Variants in LPP observed in about 807,000 individuals in gnomAD.
LPP encodes the protein LIM domain containing preferred translocation partner in lipoma.
Under a neutral mutation model 60.4 loss-of-function variants are expected in LPP, and 38 were observed. That is an observed-to-expected ratio of 0.63 (90% CI 0.49 to 0.83). The LOEUF is 0.83. LPP is among the 40% of genes least tolerant of loss of function. The probability of loss-of-function intolerance (pLI) is 0.00; values close to 1 mark genes in which losing one functional copy is unlikely to be tolerated. For synonymous variants in LPP, 328 were observed against 290.8 expected (o/e 1.13, Z -1.30); for missense variants, 902 against 783.6 (o/e 1.15, Z -1.80).
intron 9 of LPP, among the ~76,000 whole-genome samples, chr3:188,778,180 A>G (rs756708101): frequency 2.8e-4 from 42 of 152,206 alleles, no homozygotes; most frequent in Admixed American, 1.8e-3. Context: ...GTAGCAAAGA[A>G]CACCCATGTT....
At chr3:188,828,966 A>C (rs191249162) in intron 9 of LPP, among the ~76,000 whole-genome samples, 5 of 152,212 alleles carry the variant, frequency 3.3e-5, no homozygotes, top group Admixed American at 3.3e-4. Flanking sequence ...TGCTTCTCAA[A>C]ATATCTATAG....
chr3:188,720,507 G>T (rs566361852), intron 8 of LPP, among the ~76,000 whole-genome samples: 2 of 151,780 alleles, frequency 1.3e-5, no homozygotes, highest in South Asian at 4.2e-4. Flanking sequence ...CATCTTCCTG[G>T]TGTGTGAAGA....
At chr3:188,551,289 A>G (rs1316316247) in intron 6 of LPP, among the ~76,000 whole-genome samples, 2 of 152,116 alleles carry the variant, frequency 1.3e-5, no homozygotes, top group African/African-American at 4.8e-5. Flanking sequence ...ATCTCATAAG[A>G]CTTATTGACT....
chr3:188,462,588 ATGTGTGTGTGTGTGTGTGTGTG>A lies in LPP; in HGVS notation c.194-21978_194-21957del, dbSNP rs71169003. 4.8e-4 allele frequency among the ~76,000 whole-genome samples: 28 copies of A among 58,274 alleles called. 1 individual carries two copies. Among genetic ancestry groups the A allele is most frequent in the African/African-American group, 1.3e-3 (20 of 15,886 alleles). 38.2% of individuals were successfully genotyped at this position (58,274 alleles called of 152,430 possible). A position where few individuals can be genotyped will look rare whatever the true frequency, so the allele number is the denominator to read the frequency against. On this transcript the variant is annotated intron_variant, in intron 4 of 11. Transcript: ENST00000617246. The stretch of plus-strand genomic sequence containing the variant: ...TATATATATATATATATATATATGC[ATGTGTGTGTGTGTGTGTGTGTG>A]TGTGTGTGTGTGTGTGTGTGTGTGT...
At chr3:188,626,385 C>CAT (rs146515978) in intron 7 of LPP, among the ~76,000 whole-genome samples, 6,805 of 152,000 alleles carry the variant, frequency 0.045, 305 homozygotes, top group African/African-American at 0.11. Flanking sequence ...TATAGCATAT[C>CAT]ATATATATAA....
intron 5 of LPP, among the ~76,000 whole-genome samples, chr3:188,524,287 T>A (rs1317736008): frequency 6.6e-6 from 1 of 152,194 alleles, no homozygotes; most frequent in African/African-American, 2.4e-5. Context: ...GCTACTCCAA[T>A]AAATATTATT....
chr3:188,590,840 C>G (rs1838542354), intron 6 of LPP, among the ~76,000 whole-genome samples: 2 of 152,122 alleles, frequency 1.3e-5, no homozygotes, highest in African/African-American at 4.8e-5. Context: ...CTAAGGCCTT[C>G]AATTATGAGG....
intron 4 of LPP, among the ~76,000 whole-genome samples, chr3:188,416,589 T>C (rs1786334372): frequency 6.6e-6 from 1 of 152,170 alleles, no homozygotes; most frequent in South Asian, 2.1e-4. Context: ...GCTTTTGAAG[T>C]CTTGAGAGTC....
chr3:188,425,395 G>A (rs189397120), intron 4 of LPP, among the ~76,000 whole-genome samples: 21 of 152,254 alleles, frequency 1.4e-4, no homozygotes, highest in Non-Finnish European at 2.8e-4. Context: ...AGGGATATTG[G>A]CCTGAAATTT....
intron 4 of LPP, among the ~76,000 whole-genome samples, chr3:188,424,187 T>C (rs1174518120): frequency 6.6e-6 from 1 of 152,200 alleles, no homozygotes; most frequent in Non-Finnish European, 1.5e-5. Context: ...TGGCCAGTTT[T>C]CCAAACAGCA....
At chr3:188,792,892 A>G (rs1346501157) in intron 9 of LPP, among the ~76,000 whole-genome samples, 5 of 152,126 alleles carry the variant, frequency 3.3e-5, no homozygotes, top group Admixed American at 1.3e-4. Context: ...GATTTAATTT[A>G]AAGTCTCCTC....
chr3:188,511,578 C>T (rs1359201163), intron 5 of LPP, among the ~76,000 whole-genome samples: 2 of 151,908 alleles, frequency 1.3e-5, no homozygotes, highest in African/African-American at 2.4e-5. Flanking sequence ...TTCCTAATGT[C>T]ATGCAAAGTG....
At chr3:188,469,272 G>T (rs899511795) in intron 4 of LPP, among the ~76,000 whole-genome samples, 1 of 152,100 alleles carries the variant, frequency 6.6e-6, no homozygotes, top group East Asian at 1.9e-4. Flanking sequence ...ACATCAAAGT[G>T]GGTAAAGAAG....
chr3:188,466,636 C>T (rs13076400), intron 4 of LPP, among the ~76,000 whole-genome samples: 29,702 of 150,658 alleles, frequency 0.2, 3,080 homozygotes, highest in East Asian at 0.28. Flanking sequence ...ATAATACCTT[C>T]GTTAATATGG....
At chr3:188,216,322 A>G (rs1713602632) in intron 1 of LPP, among the ~76,000 whole-genome samples, 1 of 136,424 alleles carries the variant, frequency 7.3e-6, no homozygotes, top group Non-Finnish European at 1.5e-5. Flanking sequence ...CCTAGACTGG[A>G]GTGCAGGGCG....
At chr3:188,541,910 A>T (rs1825294245) in intron 6 of LPP, among the ~76,000 whole-genome samples, 1 of 152,170 alleles carries the variant, frequency 6.6e-6, no homozygotes, top group Admixed American at 6.5e-5. Context: ...ACACAAAAAA[A>T]CAAAAACAAA....
intron 1 of LPP, among the ~76,000 whole-genome samples, chr3:188,221,817 T>A (rs555029113): frequency 6.6e-6 from 1 of 152,336 alleles, no homozygotes; most frequent in East Asian, 1.9e-4. Flanking sequence ...TTTGTTTTTA[T>A]CCCAAAGCTC....
chr3:188,855,868 T>C (rs1763712543), intron 9 of LPP, among the ~76,000 whole-genome samples: 1 of 152,200 alleles, frequency 6.6e-6, no homozygotes, highest in South Asian at 2.1e-4. Flanking sequence ...AAGACTGGAA[T>C]ACAGCCCTTG....
At chr3:188,581,260 G>C (rs1836019716) in intron 6 of LPP, among the ~76,000 whole-genome samples, 1 of 152,148 alleles carries the variant, frequency 6.6e-6, no homozygotes, top group Non-Finnish European at 1.5e-5. Flanking sequence ...TGTCGTTGGA[G>C]ATGGTGACTG....
Sources: gnomAD v4.1 joint callset for allele counts (sites outside exome capture counted in the v4.1 genomes callset) on GRCh38, gnomAD v4.1.1 for gene constraint, MANE v1.5 for transcripts, NCBI Gene and HGNC (gene_info 2026-07-23, HGNC 2026-07-21) for gene names.